Variants in ASIC2 observed in about 807,000 individuals in gnomAD.
ASIC2 encodes the protein acid-sensing ion channel 2.
ASIC2 carries 25 observed loss-of-function variants against 57.3 expected under a neutral mutation model. The observed-to-expected ratio is 0.44, with a 90% CI of 0.32 to 0.61. The LOEUF (loss-of-function observed/expected upper bound fraction) is 0.61. ASIC2 is among the 20% of genes least tolerant of loss of function. The pLI, the probability that ASIC2 is intolerant of heterozygous loss-of-function variation, is 0.06. For synonymous variants in ASIC2, 319 were observed against 307.5 expected (o/e 1.04, Z -0.39); for missense variants, 641 against 738.1 (o/e 0.87, Z 1.52).
chr17:34,063,859 C>T (rs1909062433), intron 1 of ASIC2, among the ~76,000 whole-genome samples: 1 of 152,084 alleles, frequency 6.6e-6, no homozygotes, highest in African/African-American at 2.4e-5. Context: ...CAAAACACTG[C>T]TGAAATAAAT....
intron 1 of ASIC2, among the ~76,000 whole-genome samples, chr17:33,845,575 T>G (rs1478256363): frequency 6.6e-6 from 1 of 152,202 alleles, no homozygotes; most frequent in Admixed American, 6.5e-5. Flanking sequence ...TAAGTCTCAA[T>G]TTTCCAAGTT....
chr17:33,301,080 G>T (rs939453323), intron 1 of ASIC2, among the ~76,000 whole-genome samples: 16 of 152,100 alleles, frequency 1.1e-4, no homozygotes, highest in African/African-American at 3.9e-4. Context: ...CCAGGCGGGA[G>T]TGCAGTGGTG....
chr17:33,486,585 C>G (rs1434126904), intron 1 of ASIC2, among the ~76,000 whole-genome samples: 1 of 152,194 alleles, frequency 6.6e-6, no homozygotes. Flanking sequence ...AGGGACAGGA[C>G]TGGGGAGTGT....
chr17:34,096,956 G>A (rs1233831564), intron 1 of ASIC2, among the ~76,000 whole-genome samples: 3 of 151,250 alleles, frequency 2.0e-5, no homozygotes, highest in Non-Finnish European at 4.4e-5. Context: ...GGTCCTCAAG[G>A]TGGAAAGAAA....
At chr17:33,312,962 C>G (rs932313280) in intron 1 of ASIC2, among the ~76,000 whole-genome samples, 3 of 152,290 alleles carry the variant, frequency 2.0e-5, no homozygotes, top group African/African-American at 7.2e-5. Context: ...GAAGCAAAAA[C>G]TCACGATCTT....
chr17:33,556,423 G>A (rs1443095563), intron 1 of ASIC2, among the ~76,000 whole-genome samples: 1 of 152,188 alleles, frequency 6.6e-6, no homozygotes, highest in Non-Finnish European at 1.5e-5. Flanking sequence ...TCTGAGAGCT[G>A]GGATGATGTT....
chr17:34,127,655 T>G (rs1247784009), intron 1 of ASIC2, among the ~76,000 whole-genome samples: 1 of 152,188 alleles, frequency 6.6e-6, no homozygotes, highest in Non-Finnish European at 1.5e-5. Context: ...GTGGGGCAGC[T>G]GGGGGCTTCA....
intron 1 of ASIC2, among the ~76,000 whole-genome samples, chr17:33,917,072 C>G (rs779189727): frequency 6.6e-6 from 1 of 152,306 alleles, no homozygotes; most frequent in Non-Finnish European, 1.5e-5. Flanking sequence ...TCACCTGATT[C>G]CCCTTGACTT....
chr17:34,083,356 C>T (rs1297744277), intron 1 of ASIC2, among the ~76,000 whole-genome samples: 1 of 151,898 alleles, frequency 6.6e-6, no homozygotes, highest in Non-Finnish European at 1.5e-5. Flanking sequence ...ATGAACTCAT[C>T]ATTTTTTATG....
intron 1 of ASIC2, among the ~76,000 whole-genome samples, chr17:33,908,084 C>A (rs147895588): frequency 1.3e-5 from 2 of 152,286 alleles, no homozygotes; most frequent in Admixed American, 6.5e-5. Context: ...CTTATTTCCT[C>A]CTTACAGTGT....
intron 1 of ASIC2, among the ~76,000 whole-genome samples, chr17:33,427,307 T>G (rs944060441): frequency 1.3e-5 from 2 of 152,174 alleles, no homozygotes; most frequent in African/African-American, 4.8e-5. Flanking sequence ...AAACAAAGAT[T>G]TGAACAAGTA....
chr17:33,697,021 C>T (rs896204202), intron 1 of ASIC2, among the ~76,000 whole-genome samples: 4 of 152,098 alleles, frequency 2.6e-5, no homozygotes, highest in Non-Finnish European at 4.4e-5. Context: ...ACTGTCCTCA[C>T]AATAGTGAGT....
intron 1 of ASIC2, among the ~76,000 whole-genome samples, chr17:33,585,964 A>G: frequency 6.6e-6 from 1 of 152,184 alleles, no homozygotes. Flanking sequence ...GTATAAGACT[A>G]AGTAACTAGG....
At chr17:33,242,968 G>A (rs926585522) in intron 1 of ASIC2, among the ~76,000 whole-genome samples, 1 of 152,206 alleles carries the variant, frequency 6.6e-6, no homozygotes, top group Non-Finnish European at 1.5e-5. Flanking sequence ...TGGAGCACCT[G>A]GCAGAAATCA....
intron 1 of ASIC2, among the ~76,000 whole-genome samples, chr17:33,703,169 C>A (rs1223112561): frequency 6.6e-6 from 1 of 152,172 alleles, no homozygotes; most frequent in Non-Finnish European, 1.5e-5. Flanking sequence ...ATGGAAAGAA[C>A]CTCAGGATAC....
chr17:33,809,766 A>G (rs16968923), intron 1 of ASIC2, among the ~76,000 whole-genome samples: 4,770 of 152,278 alleles, frequency 0.031, 271 homozygotes, highest in African/African-American at 0.11. Flanking sequence ...TTAGAATTTT[A>G]TTTAGTGCAT....
At chr17:33,954,542 A>T (rs1904675574) in intron 1 of ASIC2, among the ~76,000 whole-genome samples, 1 of 152,182 alleles carries the variant, frequency 6.6e-6, no homozygotes, top group African/African-American at 2.4e-5. Flanking sequence ...CATTAAGATG[A>T]GAAGAGGCAG....
At chr17:33,172,743 A>G (rs1308683598) in intron 1 of ASIC2, among the ~76,000 whole-genome samples, 1 of 152,212 alleles carries the variant, frequency 6.6e-6, no homozygotes, top group Admixed American at 6.5e-5. Context: ...TGGCCCCCAG[A>G]CTGGTAGCCT....
At chr17:33,755,800 C>T (rs1475244469) in intron 1 of ASIC2, among the ~76,000 whole-genome samples, 1 of 152,020 alleles carries the variant, frequency 6.6e-6, no homozygotes, top group African/African-American at 2.4e-5. Flanking sequence ...AAGAGGTGAC[C>T]CACTGGGTGA....
Sources: gnomAD v4.1 joint callset for allele counts (sites outside exome capture counted in the v4.1 genomes callset) on GRCh38, gnomAD v4.1.1 for gene constraint, MANE v1.5 for transcripts, NCBI Gene and HGNC (gene_info 2026-07-23, HGNC 2026-07-21) for gene names.